The following PIEZO1 variants were observed in gnomAD, a reference collection of about 807,000 sequenced individuals.
PIEZO1 encodes the protein piezo-type mechanosensitive ion channel component 1.
Under a neutral mutation model 297.2 loss-of-function variants are expected in PIEZO1, and 296 were observed. That is an observed-to-expected ratio of 1.00 (90% CI 0.91 to 1.10). The LOEUF is 1.10. PIEZO1 is among the 50% of genes least tolerant of loss of function. The probability of loss-of-function intolerance (pLI) is 0.00; values close to 1 mark genes in which losing one functional copy is unlikely to be tolerated. For missense variants in PIEZO1, 5,018 were observed against 3,455.5 expected, an observed-to-expected ratio of 1.45 and a Z score of -11.34; for synonymous variants, 2,427 against 1,507.5, an observed-to-expected ratio of 1.61 and a Z score of -14.13.
In PIEZO1 at chr16:88,715,832, T is replaced by C. The variant is rs1437342736; in HGVS notation, c.7339A>G (p.Ile2447Val). Residue 2447 changes from isoleucine to valine, a missense_variant, in exon 51 of 51, where the codon ATC becomes GTC. Ile to Val is a conservative substitution (Grantham distance 29). Transcript: ENST00000301015. The part of the protein sequence containing the change: ...GYGIMGLYVS[I>V]VLVIGKFVRG... ...ACGAACTTGCCGATGACCAGCACGA[T>C]GGACACGTACAGCCCCATGATGCTG... 6.5e-7 allele frequency: 1 copy of C among 1,550,210 alleles called. No homozygotes were observed.
At chr16:88,759,508 C>T (rs1013767878) in intron 1 of PIEZO1, among the ~76,000 whole-genome samples, 6 of 152,196 alleles carry the variant, frequency 3.9e-5, no homozygotes, top group Admixed American at 2.0e-4. Flanking sequence ...TAAACACTCC[C>T]GTGCTAGTGC....
intron 44 of PIEZO1, chr16:88,719,295 T>G (rs1912259656): frequency 4.7e-6 from 2 of 429,334 alleles, no homozygotes; most frequent in Non-Finnish European, 8.5e-6. Context: ...CAGCAAACAG[T>G]GGCTGTCCGG....
chr16:88,723,824 A>C (rs1279116936), intron 31 of PIEZO1, 47 bp downstream of exon 31: 3 of 1,032,240 alleles, frequency 2.9e-6, no homozygotes, highest in Non-Finnish European at 1.5e-6. Flanking sequence ...GTCCAGGACC[A>C]CAAGCTCTGT....
At position 88,730,455 on chromosome 16, in the gene PIEZO1, G is replaced by A. The variant is rs373566914; in HGVS notation, c.3196+1251C>T. Reference sequence around the variant, plus strand: ...TCTACTAAAAATACAAAAATTAGCCGGGCCTGGTGGTGCTTGCCTGTAATC... The same window carrying A: ...TCTACTAAAAATACAAAAATTAGCCAGGCCTGGTGGTGCTTGCCTGTAATC... On this transcript the variant is annotated intron_variant, in intron 22 of 50. Transcript: ENST00000301015. Among the ~76,000 whole-genome samples the A allele has an allele frequency of 1.1e-3, 170 of 152,164 alleles. 2 individuals carry two copies. In the East Asian group the frequency reaches 0.025, roughly 22 times the overall value.
chr16:88,778,931 G>T (rs1381667145), intron 1 of PIEZO1, among the ~76,000 whole-genome samples: 2 of 152,310 alleles, frequency 1.3e-5, no homozygotes, highest in East Asian at 3.9e-4. Context: ...GAGAGCGGGG[G>T]CAGGTGGGGT....
At chr16:88,723,640 C>A (rs934615892) in intron 31 of PIEZO1, among the ~76,000 whole-genome samples, 3 of 152,260 alleles carry the variant, frequency 2.0e-5, no homozygotes, top group Admixed American at 1.3e-4. Flanking sequence ...GCCACCAGAA[C>A]CTGGGTGGTC....
chr16:88,770,856 C>G (rs1466174235), intron 1 of PIEZO1, among the ~76,000 whole-genome samples: 1 of 152,246 alleles, frequency 6.6e-6, no homozygotes, highest in East Asian at 1.9e-4. Flanking sequence ...ATGTCCTCAC[C>G]TGGGAGGCCA....
In PIEZO1 at chr16:88,725,524, G is replaced by T; in HGVS notation, c.4059-5C>A. 1 of 1,535,550 alleles carries T rather than the reference G, an allele frequency of 6.5e-7. No homozygotes were observed. The highest frequency in any genetic ancestry group is 8.8e-7 in the Non-Finnish European group (1 of 1,137,048). On this transcript the variant is annotated splice_region_variant and splice_polypyrimidine_tract_variant and intron_variant, in intron 28 of 50. Coordinates refer to ENST00000301015, the MANE Select transcript of PIEZO1 (RefSeq NM_001142864.4). ...TTGGCACGGATACGCTCCATCCTGT[G>T]GTGGGGAAAGGTGGGGTATGCTGAG... is the stretch of plus-strand genomic sequence containing the variant.
At position 88,748,041 on chromosome 16, in the gene PIEZO1, A is replaced by C. The variant is rs1906155666; in HGVS notation, c.160+1343T>G. 2.0e-5 allele frequency among the ~76,000 whole-genome samples: 3 copies of C among 152,334 alleles called. 1 individual carries two copies. On this transcript the variant is annotated intron_variant, in intron 2 of 50. Transcript: ENST00000301015. Reference sequence around the variant, plus strand: ...CAGCCTGATGCGTCCAGCACCTCCCAGAAGGGCGGCACCCAAGAGCCTGTC... The same window carrying C: ...CAGCCTGATGCGTCCAGCACCTCCCCGAAGGGCGGCACCCAAGAGCCTGTC...
At position 88,716,031 on chromosome 16, in the gene PIEZO1, G is replaced by C. The variant is rs941628877; in HGVS notation, c.7218C>G (p.Ile2406Met). ...AGTCGGTCCGGCACTCCTGCAGCTC[G>C]ATGACCCACCATTCGAGGAAGCCGG... is the stretch of plus-strand genomic sequence containing the variant. ...GATGFLEWWV[I>M]ELQECRTDCN... is the part of the protein sequence containing the mutation. The change falls in exon 50 of 51, where the codon ATC becomes ATG. Residue 2406 changes from isoleucine to methionine, a missense_variant. Physicochemically the swap from Ile to Met is conservative, Grantham distance 10 (BLOSUM62 1). Coordinates refer to ENST00000301015, the MANE Select transcript of PIEZO1 (RefSeq NM_001142864.4). The C allele has an allele frequency of 6.5e-7, 1 of 1,550,202 alleles. No individual in the cohort carries two copies. Among genetic ancestry groups the C allele is most frequent in the East Asian group, 2.4e-5 (1 of 40,916 alleles).
At position 88,734,333 on chromosome 16, in the gene PIEZO1, G is replaced by A. The variant is rs761076808; in HGVS notation, c.2180+23C>T. 881 of 1,492,916 alleles carry A rather than the reference G, an allele frequency of 5.9e-4. 5 individuals are homozygous for A. Among genetic ancestry groups the A allele is most frequent in the Admixed American group, 4.4e-5 (2 of 45,162 alleles). The allele number at this position is 1,492,916 out of a possible 1,614,324, so 92.5% of individuals were successfully genotyped here. A position where few individuals can be genotyped will look rare whatever the true frequency, so the allele number is the denominator to read the frequency against. ...CAGGAGGCTACACCTCTCCAGGGCC[G>A]GACAGGGAGGGCGGGGCCGCACCTG... On this transcript the variant is annotated intron_variant, in intron 16 of 50. Coordinates refer to ENST00000301015, the MANE Select transcript of PIEZO1 (RefSeq NM_001142864.4).
At position 88,742,067 on chromosome 16, in the gene PIEZO1, G is replaced by A. The variant is rs889192729; in HGVS notation, c.312C>T (p.His104=). ...AATGGTCTTACCTTGTGACCCCTAT[G>A]TGTCGCGAGAGGGTCTCCCAGCGGC... The part of the protein sequence containing the change: ...SCSRWETLSR[H]IGVTRLDLKD... The change falls in exon 4 of 51, where the codon CAC becomes CAT. Residue 104 remains histidine, a synonymous_variant. Coordinates refer to ENST00000301015, the MANE Select transcript of PIEZO1 (RefSeq NM_001142864.4). The A allele has an allele frequency of 6.5e-7, 1 of 1,536,128 alleles. No individual in the cohort carries two copies. Among genetic ancestry groups the A allele is most frequent in the African/African-American group, 1.4e-5 (1 of 73,122 alleles).
chr16:88,747,550 C>A (rs1042139673), intron 2 of PIEZO1, among the ~76,000 whole-genome samples: 2 of 152,328 alleles, frequency 1.3e-5, no homozygotes, highest in South Asian at 2.1e-4. Context: ...TTGCCCACCC[C>A]ACAGCACCAC....
At chr16:88,756,795 A>G (rs965409740) in intron 1 of PIEZO1, among the ~76,000 whole-genome samples, 2 of 141,650 alleles carry the variant, frequency 1.4e-5, no homozygotes, top group Admixed American at 7.2e-5. Flanking sequence ...AAAACAAACA[A>G]GCCAGGTGCA....
chr16:88,725,366 C>T (rs1440596879), intron 29 of PIEZO1, 50 bp downstream of exon 29: 1 of 1,131,650 alleles, frequency 8.8e-7, no homozygotes, highest in South Asian at 1.6e-5. Context: ...CCAGCAGGCA[C>T]AGACATGCTG....
chr16:88,742,037 G>T lies in PIEZO1; in HGVS notation c.326+16C>A. The T allele has an allele frequency of 6.5e-7, 1 of 1,535,792 alleles. No individual in the cohort carries two copies. Among genetic ancestry groups the T allele is most frequent in the East Asian group, 2.4e-5 (1 of 40,908 alleles). ...AAGGGAGGCTTGCTGGTTGGGGGTG[G>T]GAGGAATGGTCTTACCTTGTGACCC... On this transcript the variant is annotated intron_variant, in intron 4 of 50. Transcript: ENST00000301015.
At chr16:88,723,581 C>T (rs993796034) in intron 31 of PIEZO1, among the ~76,000 whole-genome samples, 1 of 152,246 alleles carries the variant, frequency 6.6e-6, no homozygotes, top group East Asian at 1.9e-4. Context: ...GACAGCCAGG[C>T]GGCCAGCACA....
intron 1 of PIEZO1, among the ~76,000 whole-genome samples, chr16:88,752,896 C>CCATT (rs558341028): frequency 4.9e-5 from 6 of 121,224 alleles, no homozygotes; most frequent in African/African-American, 1.3e-4. Flanking sequence ...ATCCATTCAT[C>CCATT]CATTCATTCA....
chr16:88,721,767 G>A (rs910241610), intron 37 of PIEZO1, 41 bp from the exon 38 acceptor site: 30 of 1,535,292 alleles, frequency 2.0e-5, no homozygotes, highest in African/African-American at 6.9e-5. Context: ...GGGTCACGGC[G>A]CGGTGGGCCG....
Sources: allele counts gnomAD v4.1 joint callset (sites outside exome capture counted in the v4.1 genomes callset), GRCh38; gene constraint gnomAD v4.1.1; transcripts MANE v1.5; gene names NCBI Gene and HGNC (gene_info 2026-07-23, HGNC 2026-07-21).